SLC35F4: variants seen among roughly 807,000 people sequenced by gnomAD.
SLC35F4 encodes solute carrier family 35 member F4.
SLC35F4 carries 24 observed loss-of-function variants against 44.2 expected under a neutral mutation model. That is an observed-to-expected ratio of 0.54 (90% confidence interval 0.39 to 0.76). SLC35F4 has a LOEUF of 0.76. Ranked by LOEUF, SLC35F4 falls within the 30% of genes least tolerant of loss-of-function variation. The pLI, the probability that SLC35F4 is intolerant of heterozygous loss-of-function variation, is 0.00. For missense variants in SLC35F4, 562 were observed against 586.1 expected (o/e 0.96, Z 0.42); for synonymous variants, 238 against 223.6 (o/e 1.06, Z -0.57).
intron 1 of SLC35F4, among the ~76,000 whole-genome samples, chr14:57,666,061 C>T (rs966486585): frequency 2.0e-5 from 3 of 152,160 alleles, no homozygotes; most frequent in African/African-American, 7.2e-5. Context: ...GTACAACAGA[C>T]CCCTGTGACA....
At chr14:57,889,379 C>T (rs1207222809) in intron 1 of SLC35F4, among the ~76,000 whole-genome samples, 1 of 152,362 alleles carries the variant, frequency 6.6e-6, no homozygotes, top group East Asian at 1.9e-4. Flanking sequence ...TTGAAGTACT[C>T]CTTACAGCAC....
At chr14:57,811,752 C>T (rs182859565) in intron 1 of SLC35F4, among the ~76,000 whole-genome samples, 176 of 152,274 alleles carry the variant, frequency 1.2e-3, no homozygotes, top group Non-Finnish European at 1.2e-3. Context: ...CTGCAGTAAA[C>T]GTTCTCCAAT....
At chr14:57,684,349 G>A (rs145360073) in intron 1 of SLC35F4, among the ~76,000 whole-genome samples, 312 of 152,220 alleles carry the variant, frequency 2.0e-3, no homozygotes, top group African/African-American at 6.8e-3. Context: ...ACCGGGGACT[G>A]TTTTTTCCAA....
At chr14:57,978,106 G>A (rs1418103408) in intron 1 of SLC35F4, among the ~76,000 whole-genome samples, 1 of 152,150 alleles carries the variant, frequency 6.6e-6, no homozygotes, top group Non-Finnish European at 1.5e-5. Context: ...ATTCTGAGGA[G>A]ACATGCTCTT....
intron 1 of SLC35F4, among the ~76,000 whole-genome samples, chr14:57,642,557 T>G (rs2140165811): frequency 6.6e-6 from 1 of 152,120 alleles, no homozygotes; most frequent in Non-Finnish European, 1.5e-5. Context: ...ACAAAACTTC[T>G]TATCTAAAAA....
intron 1 of SLC35F4, among the ~76,000 whole-genome samples, chr14:57,910,523 T>A (rs75886083): frequency 0.073 from 11,052 of 152,156 alleles, 530 homozygotes; most frequent in Non-Finnish European, 0.11. Flanking sequence ...TGAATGGATG[T>A]CCTGTTGTTC....
At chr14:57,569,381 T>C (rs781638260) in intron 6 of SLC35F4, among the ~76,000 whole-genome samples, 1 of 152,114 alleles carries the variant, frequency 6.6e-6, no homozygotes, top group African/African-American at 2.4e-5. Context: ...TCTTCCAAAC[T>C]CAGTGCTCCC....
At chr14:57,917,044 T>G (rs149225682) in intron 1 of SLC35F4, among the ~76,000 whole-genome samples, 2 of 151,784 alleles carry the variant, frequency 1.3e-5, no homozygotes, top group East Asian at 1.9e-4. Context: ...TTTTGGGGGG[T>G]TTTGTTTTGT....
chr14:57,917,393 T>C (rs1889350537), intron 1 of SLC35F4, among the ~76,000 whole-genome samples: 1 of 152,178 alleles, frequency 6.6e-6, no homozygotes, highest in Non-Finnish European at 1.5e-5. Flanking sequence ...TCTCCTTGCA[T>C]GTTGTCTACC....
intron 1 of SLC35F4, among the ~76,000 whole-genome samples, chr14:57,648,558 T>C (rs1250624095): frequency 4.6e-5 from 7 of 152,232 alleles, no homozygotes; most frequent in Non-Finnish European, 1.0e-4. Flanking sequence ...TAGTGGCTGT[T>C]TCAAGAATAA....
At chr14:57,766,838 A>G (rs2077246931) in intron 1 of SLC35F4, among the ~76,000 whole-genome samples, 2 of 152,214 alleles carry the variant, frequency 1.3e-5, no homozygotes, top group African/African-American at 4.8e-5. Context: ...AATTACCTTA[A>G]ATGTAAATAG....
intron 1 of SLC35F4, among the ~76,000 whole-genome samples, chr14:57,834,130 A>G (rs569167568): frequency 6.6e-6 from 1 of 152,324 alleles, no homozygotes; most frequent in South Asian, 2.1e-4. Flanking sequence ...AAGAAGAAAC[A>G]CTTTCCCAGA....
intron 1 of SLC35F4, among the ~76,000 whole-genome samples, chr14:57,634,706 T>C (rs997147016): frequency 6.6e-6 from 1 of 152,000 alleles, no homozygotes; most frequent in African/African-American, 2.4e-5. Flanking sequence ...TATTGCATGG[T>C]TTTAAGCAAG....
intron 1 of SLC35F4, among the ~76,000 whole-genome samples, chr14:57,697,068 C>T (rs2075404875): frequency 6.6e-6 from 1 of 152,062 alleles, no homozygotes; most frequent in South Asian, 2.1e-4. Flanking sequence ...CTCATGTATC[C>T]CAGAACTTTA....
chr14:57,933,040 T>C (rs1889729275), intron 1 of SLC35F4, among the ~76,000 whole-genome samples: 1 of 90,246 alleles, frequency 1.1e-5, no homozygotes, highest in Non-Finnish European at 2.1e-5. Flanking sequence ...TCCTATTTAC[T>C]TTTTTTTTTT....
chr14:57,799,778 C>T (rs996385994), intron 1 of SLC35F4, among the ~76,000 whole-genome samples: 1 of 152,222 alleles, frequency 6.6e-6, no homozygotes, highest in Non-Finnish European at 1.5e-5. Flanking sequence ...GATCCCGATC[C>T]ATTCCTCCTC....
intron 1 of SLC35F4, among the ~76,000 whole-genome samples, chr14:57,662,405 T>C (rs1449936660): frequency 1.3e-5 from 2 of 152,184 alleles, no homozygotes; most frequent in East Asian, 3.8e-4. Context: ...ATGGGGTCTT[T>C]AAGAGGTGAG....
intron 1 of SLC35F4, among the ~76,000 whole-genome samples, chr14:57,929,593 G>A (rs1023384582): frequency 5.3e-5 from 8 of 152,098 alleles, no homozygotes; most frequent in African/African-American, 1.9e-4. Flanking sequence ...CACTTCTTTA[G>A]TAAATGCAGA....
At chr14:57,802,040 C>T (rs2078205241) in intron 1 of SLC35F4, among the ~76,000 whole-genome samples, 1 of 152,140 alleles carries the variant, frequency 6.6e-6, no homozygotes, top group South Asian at 2.1e-4. Context: ...CTTCTCATTG[C>T]CACATGGAAC....
Sources: gnomAD v4.1 joint callset for allele counts (sites outside exome capture counted in the v4.1 genomes callset) on GRCh38, gnomAD v4.1.1 for gene constraint, MANE v1.5 for transcripts, NCBI Gene and HGNC (gene_info 2026-07-23, HGNC 2026-07-21) for gene names.